KCNK10: variants seen among roughly 807,000 people sequenced by gnomAD.
KCNK10 encodes potassium two pore domain channel subfamily K member 10, also known as potassium channel subfamily K member 10.
Under a neutral mutation model 47.7 loss-of-function variants are expected in KCNK10, and 25 were observed. The observed-to-expected ratio is 0.52, with a 90% CI of 0.38 to 0.73. The LOEUF is 0.73. Among genes scored for constraint, KCNK10 ranks in the 30% least tolerant of loss-of-function variants. The pLI, the probability that KCNK10 is intolerant of heterozygous loss-of-function variation, is 0.00. For missense variants in KCNK10, 563 were observed against 714.5 expected, an observed-to-expected ratio of 0.79 and a Z score of 2.42; for synonymous variants, 303 against 285.6, an observed-to-expected ratio of 1.06 and a Z score of -0.61.
At chr14:88,309,994 T>C (rs1030568182) in intron 1 of KCNK10, among the ~76,000 whole-genome samples, 1 of 151,930 alleles carries the variant, frequency 6.6e-6, no homozygotes, top group Non-Finnish European at 1.5e-5. Flanking sequence ...TATCAATACA[T>C]ATCAGTCCCT....
At chr14:88,316,597 A>T (rs573211106) in intron 1 of KCNK10, among the ~76,000 whole-genome samples, 1 of 152,212 alleles carries the variant, frequency 6.6e-6, no homozygotes, top group African/African-American at 2.4e-5. Flanking sequence ...TAAACATGCC[A>T]TGCAGAGCTA....
At chr14:88,190,233 C>T (rs1884702326) in intron 5 of KCNK10, among the ~76,000 whole-genome samples, 1 of 152,206 alleles carries the variant, frequency 6.6e-6, no homozygotes, top group African/African-American at 2.4e-5. Flanking sequence ...GTGTCTGTCA[C>T]AGGTATCTTA....
At chr14:88,220,468 G>A (rs552070934) in intron 4 of KCNK10, among the ~76,000 whole-genome samples, 10 of 125,122 alleles carry the variant, frequency 8.0e-5, no homozygotes, top group South Asian at 5.8e-4. Context: ...ACTATAGAGC[G>A]AAAGTAATCA....
At chr14:88,249,766 C>G (rs72687881) in intron 2 of KCNK10, among the ~76,000 whole-genome samples, 3,489 of 152,256 alleles carry the variant, frequency 0.023, 56 homozygotes, top group Middle Eastern at 0.051. Flanking sequence ...TAGAGCAGTT[C>G]CTGTCCACAG....
Position 88,285,358 on chromosome 14 carries a change from C to T in KCNK10, c.53-21807G>A, listed in dbSNP as rs188437227. Among the ~76,000 whole-genome samples the T allele has an allele frequency of 3.6e-4, 55 of 152,274 alleles. No individual in the cohort carries two copies. In the East Asian group the frequency reaches 9.3e-3, roughly 26 times the overall value. The stretch of plus-strand genomic sequence containing the variant: ...AACTCCTGACCTCAAGTGATCCGCC[C>T]ACCTCAGCCTCCCAAAGTGCTGGGA... On this transcript the variant is annotated intron_variant, in intron 1 of 6. Coordinates refer to ENST00000319231, the MANE Select transcript of KCNK10 (RefSeq NM_138317.3).
At chr14:88,291,695 G>C (rs1418845170) in intron 1 of KCNK10, among the ~76,000 whole-genome samples, 1 of 152,196 alleles carries the variant, frequency 6.6e-6, no homozygotes, top group Admixed American at 6.5e-5. Context: ...GAGAACACAT[G>C]TGAATGATGC....
intron 1 of KCNK10, among the ~76,000 whole-genome samples, chr14:88,317,866 T>TA (rs145533276): frequency 0.064 from 9,789 of 151,838 alleles, 399 homozygotes; most frequent in African/African-American, 0.12. Context: ...GTGTAGCATT[T>TA]AAAAAAAAAT....
chr14:88,298,765 G>C (rs1340631788), intron 1 of KCNK10, among the ~76,000 whole-genome samples: 1 of 152,114 alleles, frequency 6.6e-6, no homozygotes, highest in Non-Finnish European at 1.5e-5. Context: ...GCCTTCCATG[G>C]CTCCTGATCA....
intron 3 of KCNK10, 90 bp from the exon 4 acceptor site, chr14:88,227,625 TC>T: frequency 4.9e-6 from 6 of 1,227,188 alleles, no homozygotes; most frequent in South Asian, 1.5e-5. Context: ...GTTTGTACAT[TC>T]CCCCACCTTA....
rs1566721499 is a variant in KCNK10, at chr14:88,310,217, C to CATATGGTATATGATATACCATATG, written c.52+12529_52+12530insCATATGGTATATCATATACCATAT. 1.6e-3 allele frequency among the ~76,000 whole-genome samples: 150 copies of CATATGGTATATGATATACCATATG among 92,154 alleles called. 12 individuals carry two copies. The highest frequency in any genetic ancestry group is 6.2e-3 in the African/African-American group (127 of 20,642). 60.5% of individuals were successfully genotyped at this position (92,154 alleles called of 152,430 possible). A position where few individuals can be genotyped will look rare whatever the true frequency, so the allele number is the denominator to read the frequency against. ...TCATATGGTATATGATATACCATAT[C>CATATGGTATATGATATACCATATG]ATATGGTATATGATATACCATATAA... On this transcript the variant is annotated intron_variant, in intron 1 of 6. Transcript: ENST00000319231.
intron 4 of KCNK10, among the ~76,000 whole-genome samples, chr14:88,206,437 A>G (rs540389634): frequency 3.9e-5 from 6 of 152,358 alleles, no homozygotes; most frequent in South Asian, 2.1e-4. Context: ...CTGAGCCAAG[A>G]ACCTAACTCC....
At chr14:88,238,287 T>C (rs1042977425) in intron 3 of KCNK10, among the ~76,000 whole-genome samples, 7 of 152,250 alleles carry the variant, frequency 4.6e-5, no homozygotes, top group African/African-American at 1.7e-4. Flanking sequence ...TCCAGACCAC[T>C]ACAATTTTCT....
intron 3 of KCNK10, among the ~76,000 whole-genome samples, chr14:88,238,051 G>A (rs1886346848): frequency 6.6e-6 from 1 of 152,162 alleles, no homozygotes; most frequent in African/African-American, 2.4e-5. Flanking sequence ...TAGACCTTCT[G>A]GATAATTTGC....
rs1884383305 is a variant in KCNK10, at chr14:88,182,046, ACAC to A, written c.*3486_*3488del. ...ACACCACCCCAACCCGCACACACAC[ACAC>A]ACACACACACACACACACACACACA... is the stretch of plus-strand genomic sequence containing the variant. On this transcript the variant is annotated 3_prime_UTR_variant, in exon 7 of 7. Coordinates refer to ENST00000319231, the MANE Select transcript of KCNK10 (RefSeq NM_138317.3). 9.0e-6 allele frequency: 1 copy of A among 111,178 alleles called. No individual in the cohort carries two copies. The highest frequency in any genetic ancestry group is 2.5e-4 in the South Asian group (1 of 3,982). 6.9% of individuals were successfully genotyped at this position (111,178 alleles called of 1,614,324 possible). A position where few individuals can be genotyped will look rare whatever the true frequency, so the allele number is the denominator to read the frequency against.
chr14:88,272,652 C>T (rs924641118), intron 1 of KCNK10, among the ~76,000 whole-genome samples: 5 of 151,986 alleles, frequency 3.3e-5, no homozygotes, highest in Admixed American at 6.6e-5. Flanking sequence ...TATTAATGAG[C>T]GTGGGAAGCC....
intron 4 of KCNK10, among the ~76,000 whole-genome samples, chr14:88,214,228 C>G (rs1885549423): frequency 6.6e-6 from 1 of 152,068 alleles, no homozygotes; most frequent in African/African-American, 2.4e-5. Flanking sequence ...CTTGAGTCAC[C>G]ACACCAAGCC....
intron 1 of KCNK10, among the ~76,000 whole-genome samples, chr14:88,273,313 A>G (rs1309388765): frequency 6.6e-6 from 1 of 152,116 alleles, no homozygotes; most frequent in Non-Finnish European, 1.5e-5. Flanking sequence ...TGTCTCCAGC[A>G]CCATTCACAA....
chr14:88,215,965 C>A (rs1261531208), intron 4 of KCNK10, among the ~76,000 whole-genome samples: 1 of 152,146 alleles, frequency 6.6e-6, no homozygotes, highest in Non-Finnish European at 1.5e-5. Context: ...GGGATACTGG[C>A]CAGTTATGAA....
At chr14:88,302,639 G>A (rs1272049977) in intron 1 of KCNK10, among the ~76,000 whole-genome samples, 1 of 152,198 alleles carries the variant, frequency 6.6e-6, no homozygotes, top group Non-Finnish European at 1.5e-5. Context: ...GAACCCGGGA[G>A]GCAGAGGTTG....
Sources: gnomAD v4.1 joint callset for allele counts (sites outside exome capture counted in the v4.1 genomes callset) on GRCh38, gnomAD v4.1.1 for gene constraint, MANE v1.5 for transcripts, NCBI Gene and HGNC (gene_info 2026-07-23, HGNC 2026-07-21) for gene names.